CACNA1C: variants seen among roughly 807,000 people sequenced by gnomAD.
CACNA1C encodes the protein calcium voltage-gated channel subunit alpha1 C.
In CACNA1C, 30 loss-of-function variants were observed where a neutral mutation model predicts 229.0. That is an observed-to-expected ratio of 0.13 (90% CI 0.10 to 0.18). The LOEUF (loss-of-function observed/expected upper bound fraction) is 0.18. Ranked by LOEUF, CACNA1C falls within the 10% of genes least tolerant of loss-of-function variation. The probability of loss-of-function intolerance (pLI) is 1.00; values close to 1 mark genes in which losing one functional copy is unlikely to be tolerated. For missense variants in CACNA1C, 1,658 were observed against 2,845.0 expected, an observed-to-expected ratio of 0.58 and a Z score of 9.49; for synonymous variants, 1,114 against 1,132.5, an observed-to-expected ratio of 0.98 and a Z score of 0.33.
chr12:2,105,701 C>T (rs1164330485), intron 1 of CACNA1C, among the ~76,000 whole-genome samples: 2 of 134,308 alleles, frequency 1.5e-5, no homozygotes, highest in Non-Finnish European at 3.1e-5. Context: ...GGGAGGGTTT[C>T]CACCTCAGCT....
intron 3 of CACNA1C, among the ~76,000 whole-genome samples, chr12:2,259,441 A>C (rs1191297353): frequency 2.6e-5 from 4 of 152,252 alleles, no homozygotes; most frequent in African/African-American, 9.6e-5. Flanking sequence ...CTTTATCAAA[A>C]AAAGAAAAAA....
In CACNA1C at chr12:2,493,760, G is replaced by A. The variant is rs2099741071; in HGVS notation, c.1113+374G>A. The stretch of plus-strand genomic sequence containing the variant: ...CCTTTTCTTGCCTCTTTCCTCAAAA[G>A]GGAGCTAGAAGGCAGAATTATGTAT... On this transcript the variant is annotated intron_variant, in intron 7 of 46. Transcript: ENST00000399655. The surrounding 1 kb of genome is among the most constrained non-coding windows in gnomAD (Gnocchi z 4.6). Among the ~76,000 whole-genome samples the A allele has an allele frequency of 6.6e-6, 1 of 152,202 alleles. No homozygotes were observed. Among genetic ancestry groups the A allele is most frequent in the Admixed American group, 6.5e-5 (1 of 15,282 alleles).
At chr12:2,588,200 T>G (rs1427018109) in intron 18 of CACNA1C, among the ~76,000 whole-genome samples, 2 of 152,230 alleles carry the variant, frequency 1.3e-5, no homozygotes, top group Non-Finnish European at 2.9e-5. Flanking sequence ...TCCTGCTTCT[T>G]GTTCTCCCGA....
chr12:2,470,977 A>G (rs2099588953), intron 5 of CACNA1C, among the ~76,000 whole-genome samples: 1 of 152,074 alleles, frequency 6.6e-6, no homozygotes, highest in Non-Finnish European at 1.5e-5. Flanking sequence ...GATTATAGGC[A>G]TGTGCCACCA....
chr12:2,608,836 C>A lies in CACNA1C; in HGVS notation c.3558+124C>A. On this transcript the variant is annotated intron_variant, in intron 27 of 46. Coordinates refer to ENST00000399655, the MANE Select transcript of CACNA1C (RefSeq NM_000719.7). This position sits in a 1 kb window ranked among gnomAD's most constrained non-coding sequence, Gnocchi z 4.2. The stretch of plus-strand genomic sequence containing the variant: ...CAGATACTGAGATCGTCTCTCTATT[C>A]CTCAACCAGAGTGGGCTGTCAGTCT... 1 of 923,698 alleles carries A rather than the reference C, an allele frequency of 1.1e-6. No individual in the cohort carries two copies. Among genetic ancestry groups the A allele is most frequent in the Non-Finnish European group, 1.6e-6 (1 of 610,338 alleles). The allele number at this position is 923,698 out of a possible 1,614,324, so 57.2% of individuals were successfully genotyped here.
At position 2,141,871 on chromosome 12, in the gene CACNA1C, G is replaced by A. The variant is rs1194650872; in HGVS notation, c.477+21441G>A. Among the ~76,000 whole-genome samples the A allele has an allele frequency of 2.6e-5, 4 of 151,286 alleles. 1 individual carries two copies. In the South Asian group the frequency reaches 8.4e-4, roughly 32 times the overall value. On this transcript the variant is annotated intron_variant, in intron 3 of 46. Transcript: ENST00000399655. ...CCCTTTCCTTTATGGCAGCTGGGGT[G>A]GGTGACCAGCCCTGTGTAAGCCATA...
At chr12:2,281,581 C>T (rs1393977054) in intron 3 of CACNA1C, among the ~76,000 whole-genome samples, 1 of 152,206 alleles carries the variant, frequency 6.6e-6, no homozygotes, top group Non-Finnish European at 1.5e-5. Context: ...GTTTTTCCTT[C>T]CATGACTGTA....
At chr12:2,652,386 A>T (rs986855993) in intron 32 of CACNA1C, among the ~76,000 whole-genome samples, 1 of 152,150 alleles carries the variant, frequency 6.6e-6, no homozygotes, top group Non-Finnish European at 1.5e-5. Flanking sequence ...GCCAGCTCGG[A>T]GGAGTCTTTG....
chr12:2,093,539 G>A (rs751402810), intron 1 of CACNA1C, among the ~76,000 whole-genome samples: 6 of 152,324 alleles, frequency 3.9e-5, no homozygotes, highest in Admixed American at 3.3e-4. Flanking sequence ...ACATGTGTTC[G>A]TACCTGTACT....
chr12:2,548,482 C>G (rs1402546236), intron 9 of CACNA1C, among the ~76,000 whole-genome samples: 1 of 152,228 alleles, frequency 6.6e-6, no homozygotes, highest in African/African-American at 2.4e-5. Context: ...CATCCCTTCT[C>G]TGGCCTCACT....
At chr12:2,304,692 G>T (rs997277179) in intron 3 of CACNA1C, among the ~76,000 whole-genome samples, 1 of 152,122 alleles carries the variant, frequency 6.6e-6, no homozygotes, top group African/African-American at 2.4e-5. Flanking sequence ...GCACATCCAG[G>T]CCTCCTTGAG....
At chr12:2,114,814 T>C (rs1443355996) in intron 1 of CACNA1C, among the ~76,000 whole-genome samples, 1 of 152,244 alleles carries the variant, frequency 6.6e-6, no homozygotes, top group East Asian at 1.9e-4. Context: ...ATTTTCCTCC[T>C]CACCTTCCTT....
chr12:2,211,907 G>A (rs1189391177), intron 3 of CACNA1C, among the ~76,000 whole-genome samples: 3 of 151,904 alleles, frequency 2.0e-5, no homozygotes, highest in Admixed American at 6.6e-5. Context: ...TTTTAGTAGA[G>A]ATGGGGTTTC....
At position 2,638,275 on chromosome 12, in the gene CACNA1C, A is replaced by G. The variant is rs903174273; in HGVS notation, c.3912+3895A>G. Among the ~76,000 whole-genome samples the G allele has an allele frequency of 3.3e-5, 5 of 152,200 alleles. No homozygotes were observed. In the East Asian group the frequency reaches 5.8e-4, roughly 18 times the overall value. ...GATGGCAGGCATTGGTTTAAATAAG[A>G]TGGGCTTCCTTAAGGAGGTGACAGT... On this transcript the variant is annotated intron_variant, in intron 30 of 46. Coordinates refer to ENST00000399655, the MANE Select transcript of CACNA1C (RefSeq NM_000719.7).
At chr12:2,342,065 G>A (rs936489740) in intron 3 of CACNA1C, among the ~76,000 whole-genome samples, 24 of 152,192 alleles carry the variant, frequency 1.6e-4, no homozygotes, top group African/African-American at 5.8e-4. Flanking sequence ...AATAAAACCA[G>A]ACTGTTTCCA....
intron 3 of CACNA1C, among the ~76,000 whole-genome samples, chr12:2,366,938 T>C (rs2097736995): frequency 6.6e-6 from 1 of 152,118 alleles, no homozygotes; most frequent in Non-Finnish European, 1.5e-5. Flanking sequence ...TTCAAACAAC[T>C]AGATCTTGTG....
intron 3 of CACNA1C, among the ~76,000 whole-genome samples, chr12:2,358,251 C>CTGTGTGTGTG (rs57191390): frequency 3.7e-5 from 5 of 136,112 alleles, no homozygotes; most frequent in African/African-American, 1.1e-4. Flanking sequence ...CGGCGTCCTC[C>CTGTGTGTGTG]TGTGTGTGTG....
intron 3 of CACNA1C, among the ~76,000 whole-genome samples, chr12:2,317,251 G>A (rs935179212): frequency 2.6e-5 from 4 of 152,202 alleles, no homozygotes; most frequent in African/African-American, 9.7e-5. Context: ...CAAAACGTGA[G>A]AGAAACCCAA....
chr12:2,180,097 C>G (rs374009783), intron 3 of CACNA1C, among the ~76,000 whole-genome samples: 1 of 152,238 alleles, frequency 6.6e-6, no homozygotes, highest in African/African-American at 2.4e-5. Flanking sequence ...CACGTCTTCT[C>G]GTTCCCTGTA....
Sources: allele counts gnomAD v4.1 joint callset (sites outside exome capture counted in the v4.1 genomes callset), GRCh38; gene constraint gnomAD v4.1.1; non-coding constraint Gnocchi (gnomAD v3.1); transcripts MANE v1.5; gene names NCBI Gene and HGNC (gene_info 2026-07-23, HGNC 2026-07-21).